Variants in IPO11 observed in about 807,000 individuals in gnomAD.
IPO11 encodes the protein importin 11, also known as importin-11.
IPO11 carries 66 observed loss-of-function variants against 143.2 expected under a neutral mutation model. The observed-to-expected ratio is 0.46, with a 90% CI of 0.38 to 0.57. The LOEUF (loss-of-function observed/expected upper bound fraction) is 0.57. IPO11 is among the 20% of genes least tolerant of loss of function. The pLI, the probability that IPO11 is intolerant of heterozygous loss-of-function variation, is 0.00. For synonymous variants in IPO11, 385 were observed against 377.8 expected, an observed-to-expected ratio of 1.02 and a Z score of -0.22; for missense variants, 1,026 against 1,141.0, an observed-to-expected ratio of 0.90 and a Z score of 1.45.
At chr5:62,526,729 C>A (rs186464647) in intron 21 of IPO11, 20 of 153,710 alleles carry the variant, frequency 1.3e-4, no homozygotes, top group African/African-American at 4.6e-4. Context: ...TGCCCTGCTT[C>A]TGTGGCAGCT....
intron 2 of IPO11, 61 bp from the exon 3 acceptor site, chr5:62,442,922 A>G: frequency 1.1e-6 from 1 of 875,596 alleles, no homozygotes; most frequent in East Asian, 2.7e-5. Context: ...TATTGTGGGT[A>G]CATTAATTAT....
intron 20 of IPO11, among the ~76,000 whole-genome samples, chr5:62,519,134 G>A (rs1472380138): frequency 6.6e-6 from 1 of 152,102 alleles, no homozygotes; most frequent in African/African-American, 2.4e-5. Context: ...AACAAGAAGT[G>A]TTATTTAGAT....
chr5:62,456,545 C>T (rs1401338607), intron 5 of IPO11, among the ~76,000 whole-genome samples: 1 of 152,166 alleles, frequency 6.6e-6, no homozygotes, highest in Non-Finnish European at 1.5e-5. Context: ...CAACCTTGAC[C>T]TCCTAGGCTC....
At chr5:62,556,717 A>AT (rs1038143032) in intron 26 of IPO11, among the ~76,000 whole-genome samples, 2 of 151,850 alleles carry the variant, frequency 1.3e-5, no homozygotes, top group Admixed American at 6.6e-5. Flanking sequence ...TAAAATGAGA[A>AT]TTTTTTTTTA....
chr5:62,414,309 T>G (rs981858497), intron 1 of IPO11, among the ~76,000 whole-genome samples: 2 of 152,324 alleles, frequency 1.3e-5, no homozygotes, highest in African/African-American at 4.8e-5. Context: ...AAACAAAATT[T>G]TTTTTTCTCA....
intron 26 of IPO11, 73 bp downstream of exon 26, chr5:62,551,409 T>C (rs1743386708): frequency 1.2e-6 from 1 of 815,280 alleles, no homozygotes; most frequent in Non-Finnish European, 2.0e-6. Flanking sequence ...GATGAAATAA[T>C]GAGTCTTTGT....
At chr5:62,444,441 G>A (rs145676181) in intron 3 of IPO11, among the ~76,000 whole-genome samples, 3 of 152,104 alleles carry the variant, frequency 2.0e-5, no homozygotes, top group Admixed American at 6.5e-5. Flanking sequence ...GAGAAATATG[G>A]TAAGTAGTGA....
At chr5:62,419,209 T>A (rs1219620929) in intron 1 of IPO11, 1 of 1,438,514 alleles carries the variant, frequency 7.0e-7, no homozygotes, top group Non-Finnish European at 9.2e-7. Flanking sequence ...ATGGTACATC[T>A]GTACAGGGCA....
intron 27 of IPO11, among the ~76,000 whole-genome samples, chr5:62,577,424 G>C (rs1167749118): frequency 6.6e-6 from 1 of 151,964 alleles, no homozygotes. Context: ...ATTACTTTGT[G>C]GGTTTTTTCT....
rs113210374 is a variant in IPO11 at position 62,627,501 on chromosome 5, T to C, written c.*183T>C. ...TCCTGCATAACTAAAATCACAAACC[T>C]ATTCCTCAAAAGAATTTAATTTTAT... On this transcript the variant is annotated 3_prime_UTR_variant, in exon 30 of 30. Coordinates refer to ENST00000325324, the MANE Select transcript of IPO11 (RefSeq NM_016338.5). 24,140 of 494,970 alleles carry C rather than the reference T, an allele frequency of 0.049. 712 individuals carry two copies. Among genetic ancestry groups the C allele is most frequent in the South Asian group, 0.069 (1,216 of 17,518 alleles). 30.7% of individuals were successfully genotyped at this position (494,970 alleles called of 1,614,324 possible).
intron 27 of IPO11, chr5:62,580,717 A>G (rs1020507617): frequency 2.6e-6 from 4 of 1,551,342 alleles, no homozygotes; most frequent in South Asian, 1.2e-5. Context: ...TCATCACAAG[A>G]CTACTGCGCT....
At chr5:62,536,525 T>G (rs1341478534) in intron 22 of IPO11, among the ~76,000 whole-genome samples, 177 bp from the exon 23 acceptor site, 4 of 152,148 alleles carry the variant, frequency 2.6e-5, no homozygotes, top group African/African-American at 9.6e-5. Context: ...CTGTACCCTT[T>G]AAGTCCTAGT....
At chr5:62,439,446 C>T (rs1455994589) in intron 2 of IPO11, among the ~76,000 whole-genome samples, 2 of 151,934 alleles carry the variant, frequency 1.3e-5, no homozygotes, top group Admixed American at 6.6e-5. Context: ...GCCACCACGC[C>T]TGGCTAATTT....
At chr5:62,562,912 A>G (rs1052990324) in intron 27 of IPO11, among the ~76,000 whole-genome samples, 9 of 152,248 alleles carry the variant, frequency 5.9e-5, no homozygotes, top group Non-Finnish European at 1.2e-4. Flanking sequence ...CCGATGAGGT[A>G]TAGACATGAT....
chr5:62,612,468 T>G (rs1454824731), intron 29 of IPO11, among the ~76,000 whole-genome samples: 1 of 152,158 alleles, frequency 6.6e-6, no homozygotes, highest in Non-Finnish European at 1.5e-5. Flanking sequence ...TTTCTTTACT[T>G]TAACCAAAAC....
rs150703185 is a variant in IPO11, at chr5:62,443,416, T to C, written c.239+333T>C. ...GTGTGTGTGTGTGTGTGTGTGTGTG[T>C]GTGTGCGTGTGTGCGTGTGCGTGTG... On this transcript the variant is annotated intron_variant, in intron 3 of 29. Coordinates refer to ENST00000325324, the MANE Select transcript of IPO11 (RefSeq NM_016338.5). 2.4e-3 allele frequency: 325 copies of C among 137,850 alleles called. 2 individuals carry two copies. Among genetic ancestry groups the C allele is most frequent in the African/African-American group, 8.6e-3 (278 of 32,428 alleles). The allele number at this position is 137,850 out of a possible 1,614,324, so 8.5% of individuals were successfully genotyped here. A position where few individuals can be genotyped will look rare whatever the true frequency, so the allele number is the denominator to read the frequency against.
chr5:62,480,281 C>G (rs1164570970), intron 9 of IPO11, among the ~76,000 whole-genome samples: 6 of 152,300 alleles, frequency 3.9e-5, no homozygotes, highest in African/African-American at 1.2e-4. Flanking sequence ...GAGCCCTATT[C>G]TGTTCCGTTG....
chr5:62,489,962 A>G (rs1376092822), intron 14 of IPO11, among the ~76,000 whole-genome samples, 153 bp from the exon 15 acceptor site: 1 of 152,248 alleles, frequency 6.6e-6, no homozygotes, highest in Non-Finnish European at 1.5e-5. Flanking sequence ...TGTTTCTAAA[A>G]TAAATTATTT....
At chr5:62,442,945 T>C (rs1318946621) in intron 2 of IPO11, 38 bp from the exon 3 acceptor site, 4 of 1,155,918 alleles carry the variant, frequency 3.5e-6, no homozygotes, top group South Asian at 2.7e-5. Context: ...TTTTTACTTA[T>C]TCCATGCTAA....
Sources: allele counts gnomAD v4.1 joint callset (sites outside exome capture counted in the v4.1 genomes callset), GRCh38; gene constraint gnomAD v4.1.1; transcripts MANE v1.5; gene names NCBI Gene and HGNC (gene_info 2026-07-23, HGNC 2026-07-21).